Variants in ATP10B observed in about 807,000 individuals in gnomAD.
The protein encoded by ATP10B is phospholipid-transporting ATPase VB.
ATP10B carries 122 observed loss-of-function variants against 141.2 expected under a neutral mutation model. The observed-to-expected ratio is 0.86, with a 90% CI of 0.75 to 1.00. The LOEUF is 1.00. ATP10B is among the 50% of genes least tolerant of loss of function. The pLI is 0.00. For synonymous variants in ATP10B, 685 were observed against 692.0 expected (o/e 0.99, Z 0.16); for missense variants, 1,876 against 1,825.3 (o/e 1.03, Z -0.51).
chr5:160,730,456 C>A (rs1766660659), intron 2 of ATP10B, among the ~76,000 whole-genome samples: 1 of 151,986 alleles, frequency 6.6e-6, no homozygotes, highest in Non-Finnish European at 1.5e-5. Flanking sequence ...TAATGTGCTT[C>A]CCCCCGACCC....
intron 18 of ATP10B, among the ~76,000 whole-genome samples, chr5:160,609,357 G>T (rs1408992105): frequency 6.7e-6 from 1 of 149,340 alleles, no homozygotes; most frequent in Non-Finnish European, 1.5e-5. Context: ...ATTTCTGTGT[G>T]GGGGAATATG....
At chr5:160,646,142 G>A (rs1760261023) in intron 8 of ATP10B, among the ~76,000 whole-genome samples, 1 of 152,150 alleles carries the variant, frequency 6.6e-6, no homozygotes, top group Non-Finnish European at 1.5e-5. Context: ...ACTAGTACAT[G>A]AGACATCCTA....
chr5:160,781,071 T>A (rs867646986), intron 2 of ATP10B, among the ~76,000 whole-genome samples: 1 of 152,192 alleles, frequency 6.6e-6, no homozygotes, highest in Non-Finnish European at 1.5e-5. Flanking sequence ...TAATGTACTC[T>A]TAGTATTTAT....
At chr5:160,911,127 G>A in the ATP10B span, among the ~76,000 whole-genome samples, 1 of 152,310 alleles carries the variant, frequency 6.6e-6, no homozygotes, top group South Asian at 2.1e-4. Flanking sequence ...CAGTGGTAGA[G>A]GCTGACTTTC....
intron 19 of ATP10B, 149 bp from the exon 20 acceptor site, chr5:160,604,190 G>A (rs1561645693): frequency 3.0e-5 from 19 of 623,700 alleles, no homozygotes; most frequent in Non-Finnish European, 4.6e-5. Flanking sequence ...TGCTTAGCTT[G>A]AGAGATGTCA....
At chr5:160,635,361 G>A (rs1759284771) in intron 11 of ATP10B, among the ~76,000 whole-genome samples, 1 of 145,024 alleles carries the variant, frequency 6.9e-6, no homozygotes, top group South Asian at 2.2e-4. Flanking sequence ...GGAGAGGGCT[G>A]CGAGGGGAGG....
chr5:160,796,114 A>C (rs1771934889), intron 1 of ATP10B, among the ~76,000 whole-genome samples: 1 of 152,168 alleles, frequency 6.6e-6, no homozygotes, highest in Non-Finnish European at 1.5e-5. Context: ...ATTTAGAGTA[A>C]AAACAGATAT....
the ATP10B span, among the ~76,000 whole-genome samples, chr5:160,883,959 G>C: frequency 1.3e-5 from 2 of 152,110 alleles, no homozygotes; most frequent in African/African-American, 2.4e-5. Context: ...GGAAATCTCA[G>C]CATCTTGAAA....
chr5:160,809,814 A>G (rs1282322720), intron 1 of ATP10B, among the ~76,000 whole-genome samples: 2 of 152,216 alleles, frequency 1.3e-5, no homozygotes, highest in African/African-American at 4.8e-5. Flanking sequence ...TTGCATTGGT[A>G]TGTGCAGAAG....
chr5:160,682,290 G>C (rs745381686), intron 6 of ATP10B, among the ~76,000 whole-genome samples: 6 of 152,122 alleles, frequency 3.9e-5, no homozygotes, highest in Non-Finnish European at 7.3e-5. Flanking sequence ...TATATAATTT[G>C]GCCATGCACG....
intron 1 of ATP10B, among the ~76,000 whole-genome samples, chr5:160,850,995 G>A (rs1382316458): frequency 6.6e-6 from 1 of 152,206 alleles, no homozygotes; most frequent in Non-Finnish European, 1.5e-5. Flanking sequence ...CTGTATGTCT[G>A]TTAATGGAAT....
intron 2 of ATP10B, among the ~76,000 whole-genome samples, chr5:160,755,838 A>ATAT (rs1336419143): frequency 6.6e-5 from 3 of 45,418 alleles, no homozygotes; most frequent in Non-Finnish European, 1.2e-4. Flanking sequence ...AAAAAAAAAA[A>ATAT]ATATATATAT....
intron 19 of ATP10B, among the ~76,000 whole-genome samples, chr5:160,605,394 C>A (rs1261667269): frequency 6.6e-6 from 1 of 152,174 alleles, no homozygotes; most frequent in Admixed American, 6.5e-5. Context: ...AACCTTTAAT[C>A]TCTTCTGTTA....
chr5:160,851,302 C>T (rs1753795184), intron 1 of ATP10B, among the ~76,000 whole-genome samples: 1 of 152,178 alleles, frequency 6.6e-6, no homozygotes. Flanking sequence ...TAGTGTCACT[C>T]CAGCCTTAAT....
intron 10 of ATP10B, among the ~76,000 whole-genome samples, chr5:160,636,864 C>T (rs1044209380): frequency 6.6e-6 from 1 of 151,694 alleles, no homozygotes; most frequent in Non-Finnish European, 1.5e-5. Flanking sequence ...ACCCACCCTT[C>T]CTTCCTTCCT....
chr5:160,787,726 G>A (rs1282868302), intron 1 of ATP10B, among the ~76,000 whole-genome samples: 1 of 152,104 alleles, frequency 6.6e-6, no homozygotes, highest in Non-Finnish European at 1.5e-5. Context: ...TGGAGGAGGT[G>A]TCAGAAGATT....
chr5:160,720,634 GCA>G (rs1765934125), intron 2 of ATP10B, among the ~76,000 whole-genome samples: 1 of 152,160 alleles, frequency 6.6e-6, no homozygotes, highest in Non-Finnish European at 1.5e-5. Flanking sequence ...AACAATTTCA[GCA>G]CAGTTTTCTG....
Position 160,598,759 on chromosome 5 carries a change from G to A in ATP10B, c.3564+11C>T, listed in dbSNP as rs761177277. 8.7e-6 allele frequency: 14 copies of A among 1,613,514 alleles called. No individual in the cohort carries two copies. Among genetic ancestry groups the A allele is most frequent in the South Asian group, 4.4e-5 (4 of 90,970 alleles). On this transcript the variant is annotated intron_variant, in intron 22 of 25. Coordinates refer to ENST00000327245, the MANE Select transcript of ATP10B (RefSeq NM_025153.3). Reference sequence around the variant, plus strand: ...TGAAGTCACCTCCCTTTGGCTGCCCGATCTCCTTACCTCAGAGTTCTGGCC... The same window carrying A: ...TGAAGTCACCTCCCTTTGGCTGCCCAATCTCCTTACCTCAGAGTTCTGGCC...
chr5:160,838,202 G>T (rs1303570152), intron 1 of ATP10B, among the ~76,000 whole-genome samples: 1 of 152,114 alleles, frequency 6.6e-6, no homozygotes, highest in Non-Finnish European at 1.5e-5. Flanking sequence ...CCATTCTGTA[G>T]GTTCCTCACA....
Sources: gnomAD v4.1 joint callset for allele counts (sites outside exome capture counted in the v4.1 genomes callset) on GRCh38, gnomAD v4.1.1 for gene constraint, MANE v1.5 for transcripts, NCBI Gene and HGNC (gene_info 2026-07-23, HGNC 2026-07-21) for gene names.